PLXDC2: variants seen among roughly 807,000 people sequenced by gnomAD.
PLXDC2 encodes the protein plexin domain containing 2, also known as plexin domain-containing protein 2.
Under a neutral mutation model 68.9 loss-of-function variants are expected in PLXDC2, and 40 were observed. The observed-to-expected ratio is 0.58, with a 90% confidence interval of 0.45 to 0.76. PLXDC2 has a LOEUF of 0.76. Among genes scored for constraint, PLXDC2 ranks in the 30% least tolerant of loss-of-function variants. The pLI is 0.00. For missense variants in PLXDC2, 644 were observed against 661.9 expected, an observed-to-expected ratio of 0.97 and a Z score of 0.30; for synonymous variants, 243 against 234.2, an observed-to-expected ratio of 1.04 and a Z score of -0.34.
chr10:20,151,551 A>G (rs1834152725), intron 6 of PLXDC2, among the ~76,000 whole-genome samples: 2 of 152,186 alleles, frequency 1.3e-5, no homozygotes, highest in Admixed American at 1.3e-4. Flanking sequence ...GATGATCCCA[A>G]GACATCTCAA....
At chr10:19,831,935 G>A (rs900184927) in intron 1 of PLXDC2, among the ~76,000 whole-genome samples, 1 of 152,068 alleles carries the variant, frequency 6.6e-6, no homozygotes, top group African/African-American at 2.4e-5. Flanking sequence ...TTTTGACCCA[G>A]CAATCCCTTT....
chr10:20,207,536 G>T (rs1835009391), intron 9 of PLXDC2, among the ~76,000 whole-genome samples: 1 of 152,144 alleles, frequency 6.6e-6, no homozygotes, highest in South Asian at 2.1e-4. Flanking sequence ...TTATGGTTAT[G>T]GTCAGGTGGC....
intron 3 of PLXDC2, among the ~76,000 whole-genome samples, chr10:20,051,178 A>G (rs1307302359): frequency 6.6e-6 from 1 of 151,856 alleles, no homozygotes; most frequent in Admixed American, 6.6e-5. Flanking sequence ...AGTGGAGCTA[A>G]AAGATGAGAA....
chr10:20,170,771 A>G (rs1834437277), intron 7 of PLXDC2, among the ~76,000 whole-genome samples: 1 of 152,032 alleles, frequency 6.6e-6, no homozygotes, highest in Non-Finnish European at 1.5e-5. Flanking sequence ...TTAATTCATT[A>G]ACTTCATCTT....
intron 1 of PLXDC2, among the ~76,000 whole-genome samples, chr10:19,882,321 A>C (rs1044637365): frequency 2.0e-5 from 3 of 152,246 alleles, no homozygotes; most frequent in African/African-American, 7.2e-5. Flanking sequence ...CGTTAACCTG[A>C]GTATGCCAAT....
intron 1 of PLXDC2, among the ~76,000 whole-genome samples, chr10:19,913,435 G>C (rs368019978): frequency 4.6e-5 from 7 of 152,048 alleles, no homozygotes; most frequent in Non-Finnish European, 1.0e-4. Context: ...AAATTACCCA[G>C]TATTAGGTAT....
At chr10:19,966,799 C>A (rs534137882) in intron 1 of PLXDC2, among the ~76,000 whole-genome samples, 2 of 123,112 alleles carry the variant, frequency 1.6e-5, no homozygotes, top group Non-Finnish European at 3.7e-5. Context: ...GAGAACGGTT[C>A]GCGTTACCAT....
At chr10:20,034,613 G>A (rs1276408137) in intron 2 of PLXDC2, among the ~76,000 whole-genome samples, 1 of 152,188 alleles carries the variant, frequency 6.6e-6, no homozygotes, top group Non-Finnish European at 1.5e-5. Flanking sequence ...TCTAATGTTT[G>A]AGGAGAATTC....
chr10:20,068,935 T>A (rs1172649210), intron 4 of PLXDC2, among the ~76,000 whole-genome samples: 1 of 152,072 alleles, frequency 6.6e-6, no homozygotes, highest in Non-Finnish European at 1.5e-5. Context: ...ATAAGGAAAA[T>A]GCCAGGGAAT....
At chr10:19,979,197 G>GA in intron 1 of PLXDC2, among the ~76,000 whole-genome samples, 1 of 152,090 alleles carries the variant, frequency 6.6e-6, no homozygotes, top group African/African-American at 2.4e-5. Context: ...TGCTCCCATA[G>GA]AAAAAAGGAA....
At chr10:19,874,366 G>A (rs1837595836) in intron 1 of PLXDC2, among the ~76,000 whole-genome samples, 1 of 152,132 alleles carries the variant, frequency 6.6e-6, no homozygotes, top group Non-Finnish European at 1.5e-5. Flanking sequence ...TAGTACTGAG[G>A]GGAGCAACTC....
chr10:20,178,945 G>A (rs563203722), intron 9 of PLXDC2, among the ~76,000 whole-genome samples: 1 of 152,204 alleles, frequency 6.6e-6, no homozygotes, highest in African/African-American at 2.4e-5. Flanking sequence ...TGCTATAAAA[G>A]CAAAGGTTTC....
chr10:19,827,517 C>T (rs1392369364), intron 1 of PLXDC2, among the ~76,000 whole-genome samples: 2 of 151,988 alleles, frequency 1.3e-5, no homozygotes, highest in Admixed American at 1.3e-4. Context: ...CATCCAATGG[C>T]CAGAACAAGT....
chr10:19,864,217 G>A (rs185797288), intron 1 of PLXDC2, among the ~76,000 whole-genome samples: 1 of 152,174 alleles, frequency 6.6e-6, no homozygotes, highest in Non-Finnish European at 1.5e-5. Context: ...TGTCATCCAG[G>A]CTGATCTGGA....
At chr10:20,146,522 C>T (rs150765247) in intron 5 of PLXDC2, among the ~76,000 whole-genome samples, 134 of 13,446 alleles carry the variant, frequency 1.0e-2, no homozygotes, top group South Asian at 0.013. Flanking sequence ...CTTCCTTCCT[C>T]CCTCCCTCCC....
chr10:19,818,845 T>G (rs1263207037), intron 1 of PLXDC2, among the ~76,000 whole-genome samples: 3 of 152,088 alleles, frequency 2.0e-5, no homozygotes, highest in Non-Finnish European at 4.4e-5. Flanking sequence ...AACAATTAAC[T>G]CCACCACAAA....
intron 2 of PLXDC2, among the ~76,000 whole-genome samples, chr10:20,021,678 A>G (rs868527233): frequency 6.7e-6 from 1 of 148,504 alleles, no homozygotes; most frequent in East Asian, 2.0e-4. Flanking sequence ...ATTTTTTTTT[A>G]TTATTTATTT....
At chr10:20,132,173 T>A (rs1298885635) in intron 4 of PLXDC2, among the ~76,000 whole-genome samples, 3 of 152,244 alleles carry the variant, frequency 2.0e-5, no homozygotes, top group African/African-American at 7.2e-5. Context: ...CCTCCTCTTA[T>A]TGATTTCTAA....
chr10:20,048,384 GT>G (rs1835835019), intron 3 of PLXDC2, among the ~76,000 whole-genome samples: 1 of 151,496 alleles, frequency 6.6e-6, no homozygotes, highest in Non-Finnish European at 1.5e-5. Flanking sequence ...CCCCACCCCA[GT>G]TTTTTCTATA....
Sources: gnomAD v4.1 joint callset for allele counts (sites outside exome capture counted in the v4.1 genomes callset) on GRCh38, gnomAD v4.1.1 for gene constraint, MANE v1.5 for transcripts, NCBI Gene and HGNC (gene_info 2026-07-23, HGNC 2026-07-21) for gene names.